PARD6G: variants seen among roughly 807,000 people sequenced by gnomAD.
PARD6G encodes the protein partitioning defective 6 homolog gamma.
In PARD6G, 7 loss-of-function variants were observed where a neutral mutation model predicts 10.7. The ratio of observed to expected loss-of-function variants is 0.66; its 90% CI spans 0.37 to 1.23. PARD6G has a LOEUF of 1.23. Among genes scored for constraint, PARD6G ranks in the 50% most tolerant of loss-of-function variants. The pLI, the probability that PARD6G is intolerant of heterozygous loss-of-function variation, is 0.02. For missense variants in PARD6G, 548 were observed against 571.8 expected (o/e 0.96, Z 0.42); for synonymous variants, 287 against 269.4 (o/e 1.07, Z -0.64).
intron 2 of PARD6G, among the ~76,000 whole-genome samples, chr18:80,194,447 T>C (rs1023368154): frequency 6.6e-6 from 1 of 152,226 alleles, no homozygotes; most frequent in Non-Finnish European, 1.5e-5. Context: ...AGGAAACTTA[T>C]ACAACTTGGT....
chr18:80,160,995 C>T (rs1273762802), intron 2 of PARD6G, among the ~76,000 whole-genome samples: 1 of 152,208 alleles, frequency 6.6e-6, no homozygotes, highest in Non-Finnish European at 1.5e-5. Context: ...ATATTTCCTT[C>T]TCTCAACTGT....
chr18:80,178,236 A>G (rs1267640276), intron 2 of PARD6G: 1 of 159,826 alleles, frequency 6.3e-6, no homozygotes, highest in Non-Finnish European at 1.5e-5. Flanking sequence ...CAGTAGGTTC[A>G]GTGCTGCACT....
chr18:80,176,969 G>GCA (rs1387087750), intron 2 of PARD6G, among the ~76,000 whole-genome samples: 2 of 142,396 alleles, frequency 1.4e-5, no homozygotes, highest in African/African-American at 2.6e-5. Context: ...ACAGGCATGT[G>GCA]CACACACACA....
Position 80,192,038 on chromosome 18 carries a change from C to T in PARD6G, c.295+10672G>A, listed in dbSNP as rs1457970956. ...ACTCCACCTTGATGATTCTGAACAT[C>T]AAAAACGTGTACTTTCATGTTTTCA... is the stretch of plus-strand genomic sequence containing the variant. On this transcript the variant is annotated intron_variant, in intron 2 of 2. Transcript: ENST00000353265. This position sits in a 1 kb window ranked among gnomAD's most constrained non-coding sequence, Gnocchi z 4.9. 1.3e-5 allele frequency among the ~76,000 whole-genome samples: 2 copies of T among 152,164 alleles called. No homozygotes were observed. Among genetic ancestry groups the T allele is most frequent in the African/African-American group, 2.4e-5 (1 of 41,442 alleles).
rs993041585 is a variant in PARD6G, at chr18:80,228,126, G to C, written c.72+19151C>G. The stretch of plus-strand genomic sequence containing the variant: ...ATTTACTAAACGACAGGTGACCAGC[G>C]TGAGGCAGGCCCCACCTTTGTTCAT... On this transcript the variant is annotated intron_variant, in intron 1 of 2. Coordinates refer to ENST00000353265, the MANE Select transcript of PARD6G (RefSeq NM_032510.4). This position sits in a 1 kb window ranked among gnomAD's most constrained non-coding sequence, Gnocchi z 4.6. Among the ~76,000 whole-genome samples, 5 of 152,308 alleles carry C rather than the reference G, an allele frequency of 3.3e-5. No individual in the cohort carries two copies. Among genetic ancestry groups the C allele is most frequent in the African/African-American group, 9.6e-5 (4 of 41,552 alleles).
At chr18:80,186,487 C>G (rs2052879697) in intron 2 of PARD6G, among the ~76,000 whole-genome samples, 2 of 145,628 alleles carry the variant, frequency 1.4e-5, no homozygotes, top group African/African-American at 2.6e-5. Flanking sequence ...CCCTCACATG[C>G]ACCCTCACAC....
intron 2 of PARD6G, among the ~76,000 whole-genome samples, chr18:80,195,044 G>GATT (rs1555736089): frequency 3.3e-5 from 5 of 152,128 alleles, no homozygotes; most frequent in Admixed American, 3.3e-4. Context: ...TCCCACCTTG[G>GATT]ACGAATCACT....
At position 80,200,790 on chromosome 18, in the gene PARD6G, G is replaced by A. The variant is rs914585963; in HGVS notation, c.295+1920C>T. Reference sequence around the variant, plus strand: ...CCGAGCTGCTGCTGGAGGTTAGCACGTTCCCATGGGCAACACACAAGCCCA... The same window carrying A: ...CCGAGCTGCTGCTGGAGGTTAGCACATTCCCATGGGCAACACACAAGCCCA... On this transcript the variant is annotated intron_variant, in intron 2 of 2. Coordinates refer to ENST00000353265, the MANE Select transcript of PARD6G (RefSeq NM_032510.4). This position sits in a 1 kb window ranked among gnomAD's most constrained non-coding sequence, Gnocchi z 4.4. Among the ~76,000 whole-genome samples the A allele has an allele frequency of 2.0e-5, 3 of 152,164 alleles. No individual in the cohort carries two copies. The highest frequency in any genetic ancestry group is 2.1e-4 in the South Asian group (1 of 4,832).
At chr18:80,222,204 C>T (rs1273310309) in intron 1 of PARD6G, among the ~76,000 whole-genome samples, 1 of 152,096 alleles carries the variant, frequency 6.6e-6, no homozygotes, top group Non-Finnish European at 1.5e-5. Context: ...CCTGCATCAG[C>T]CTGCCAAGTA....
chr18:80,175,435 C>T lies in PARD6G; in HGVS notation c.296-14829G>A, dbSNP rs147988714. The stretch of plus-strand genomic sequence containing the variant: ...CTGTATCCCCACGTGGCAGGGAGAC[C>T]GAGATCTCTGGTGCCTCCTCCTCTG... On this transcript the variant is annotated intron_variant, in intron 2 of 2. Transcript: ENST00000353265. The surrounding 1 kb of genome is among the most constrained non-coding windows in gnomAD (Gnocchi z 6.7). 1.2e-4 allele frequency among the ~76,000 whole-genome samples: 18 copies of T among 152,296 alleles called. No homozygotes were observed. The highest frequency in any genetic ancestry group is 3.9e-4 in the Admixed American group (6 of 15,296).
chr18:80,244,581 C>T lies in PARD6G; in HGVS notation c.72+2696G>A, dbSNP rs556179067. Among the ~76,000 whole-genome samples the T allele has an allele frequency of 6.6e-5, 10 of 152,264 alleles. No homozygotes were observed. The South Asian group carries it at 2.1e-3, about 32-fold the overall frequency. On this transcript the variant is annotated intron_variant, in intron 1 of 2. Coordinates refer to ENST00000353265, the MANE Select transcript of PARD6G (RefSeq NM_032510.4). ...GACCTGCAGTATTTAACTCAAAGCGCTCTTGTATTCAATGCATTTCATCTT... is the reference window on the plus strand; with the variant it reads ...GACCTGCAGTATTTAACTCAAAGCGTTCTTGTATTCAATGCATTTCATCTT...
chr18:80,168,102 C>G lies in PARD6G; in HGVS notation c.296-7496G>C, dbSNP rs886723307. ...GGCCGTGGTCTGCACCCTGAACCCC[C>G]TCCCCAGCATCCAAGGGCCCAGGGT... On this transcript the variant is annotated intron_variant, in intron 2 of 2. Coordinates refer to ENST00000353265, the MANE Select transcript of PARD6G (RefSeq NM_032510.4). Among the ~76,000 whole-genome samples, 11 of 152,176 alleles carry G rather than the reference C, an allele frequency of 7.2e-5. 1 individual carries two copies. In the South Asian group the frequency reaches 2.1e-3, roughly 29 times the overall value.
At chr18:80,205,887 A>T (rs1270468121) in intron 1 of PARD6G, among the ~76,000 whole-genome samples, 1 of 152,228 alleles carries the variant, frequency 6.6e-6, no homozygotes, top group African/African-American at 2.4e-5. Context: ...ACATAAGATA[A>T]TTTAATCATG....
At chr18:80,179,076 C>CAAA (rs2052833171) in intron 2 of PARD6G, among the ~76,000 whole-genome samples, 2 of 152,146 alleles carry the variant, frequency 1.3e-5, no homozygotes, top group South Asian at 4.1e-4. Flanking sequence ...GAGCCTGTCA[C>CAAA]AAAGCGCCAG....
In PARD6G at chr18:80,182,879, T is replaced by C. The variant is rs1320774270; in HGVS notation, c.295+19831A>G. On this transcript the variant is annotated intron_variant, in intron 2 of 2. Coordinates refer to ENST00000353265, the MANE Select transcript of PARD6G (RefSeq NM_032510.4). The surrounding 1 kb of genome is among the most constrained non-coding windows in gnomAD (Gnocchi z 4.5). ...AATCTGATGTTATAGTTTTATTTCT[T>C]AGTTCTAGGTACAGGGCTAGATGTT... The C allele has an allele frequency of 6.2e-6, 3 of 482,740 alleles. No individual in the cohort carries two copies. The highest frequency in any genetic ancestry group is 7.3e-5 in the Admixed American group (2 of 27,564). The allele number at this position is 482,740 out of a possible 1,614,324, so 29.9% of individuals were successfully genotyped here.
chr18:80,200,264 T>C lies in PARD6G; in HGVS notation c.295+2446A>G, dbSNP rs913050767. ...TATGAAACATCAGCACAGATTACTATGCAGGGAGGGTGCCTGACTGTGCAC... is the reference window on the plus strand; with the variant it reads ...TATGAAACATCAGCACAGATTACTACGCAGGGAGGGTGCCTGACTGTGCAC... On this transcript the variant is annotated intron_variant, in intron 2 of 2. Coordinates refer to ENST00000353265, the MANE Select transcript of PARD6G (RefSeq NM_032510.4). The surrounding 1 kb of genome is among the most constrained non-coding windows in gnomAD (Gnocchi z 4.4). 6.6e-6 allele frequency among the ~76,000 whole-genome samples: 1 copy of C among 152,120 alleles called. No individual in the cohort carries two copies. The highest frequency in any genetic ancestry group is 2.4e-5 in the African/African-American group (1 of 41,426).
chr18:80,198,802 AC>A (rs1478343143), intron 2 of PARD6G, among the ~76,000 whole-genome samples: 1 of 152,254 alleles, frequency 6.6e-6, no homozygotes, highest in African/African-American at 2.4e-5. Flanking sequence ...AGAAAACCTT[AC>A]CCAGGGCCAT....
chr18:80,214,196 G>T (rs1394693223), intron 1 of PARD6G, among the ~76,000 whole-genome samples: 5 of 152,142 alleles, frequency 3.3e-5, no homozygotes, highest in African/African-American at 9.7e-5. Context: ...GGTGGCTCAC[G>T]CCTGTAATCC....
At chr18:80,211,675 T>C (rs1251750902) in intron 1 of PARD6G, among the ~76,000 whole-genome samples, 1 of 152,216 alleles carries the variant, frequency 6.6e-6, no homozygotes, top group Admixed American at 6.5e-5. Context: ...CATCAATGGA[T>C]GAATAGGCAA....
Sources: gnomAD v4.1 joint callset for allele counts (sites outside exome capture counted in the v4.1 genomes callset) on GRCh38, gnomAD v4.1.1 for gene constraint, Gnocchi (gnomAD v3.1) non-coding constraint, MANE v1.5 for transcripts, NCBI Gene and HGNC (gene_info 2026-07-23, HGNC 2026-07-21) for gene names.